TULP4: variants seen among roughly 807,000 people sequenced by gnomAD.
The protein encoded by TULP4 is tubby-related protein 4.
Under a neutral mutation model 129.0 loss-of-function variants are expected in TULP4, and 16 were observed. The observed-to-expected ratio is 0.12, with a 90% confidence interval of 0.08 to 0.19. TULP4 has a LOEUF of 0.19. Ranked by LOEUF, TULP4 falls within the 10% of genes least tolerant of loss-of-function variation. The pLI is 1.00. For missense variants in TULP4, 1,842 were observed against 2,059.1 expected (o/e 0.89, Z 2.04); for synonymous variants, 998 against 854.0 (o/e 1.17, Z -2.94).
intron 2 of TULP4, among the ~76,000 whole-genome samples, chr6:158,422,306 T>G (rs1778363943): frequency 6.6e-6 from 1 of 152,184 alleles, no homozygotes; most frequent in Non-Finnish European, 1.5e-5. Context: ...AAATAGAGAT[T>G]ACAAGGTAAC....
intron 1 of TULP4, among the ~76,000 whole-genome samples, chr6:158,404,433 C>T (rs1445204865): frequency 6.6e-6 from 1 of 152,044 alleles, no homozygotes; most frequent in Non-Finnish European, 1.5e-5. Context: ...AAATAAAACC[C>T]TTAAGAATAA....
intron 1 of TULP4, among the ~76,000 whole-genome samples, chr6:158,350,898 T>A (rs1780502026): frequency 1.3e-5 from 2 of 151,924 alleles, no homozygotes; most frequent in Admixed American, 1.3e-4. Flanking sequence ...GTGGCTGGGA[T>A]TACTGCCACC....
At chr6:158,246,110 G>A (rs1035883418) in intron 1 of TULP4, among the ~76,000 whole-genome samples, 4 of 150,758 alleles carry the variant, frequency 2.7e-5, no homozygotes, top group East Asian at 2.0e-4. Context: ...GAATGGGGAC[G>A]GACTCACAAG....
intron 1 of TULP4, among the ~76,000 whole-genome samples, chr6:158,307,091 A>G (rs953359161): frequency 6.6e-6 from 1 of 152,238 alleles, no homozygotes; most frequent in Non-Finnish European, 1.5e-5. Flanking sequence ...TAAATAAGTT[A>G]TATATTTTTA....
At chr6:158,491,182 C>T (rs1225078093) in intron 9 of TULP4, among the ~76,000 whole-genome samples, 2 of 152,108 alleles carry the variant, frequency 1.3e-5, no homozygotes. Flanking sequence ...TCCTCAGCAG[C>T]GGCTCTGTTG....
At chr6:158,490,686 C>G (rs1780179629) in intron 9 of TULP4, among the ~76,000 whole-genome samples, 1 of 152,182 alleles carries the variant, frequency 6.6e-6, no homozygotes, top group Middle Eastern at 3.2e-3. Flanking sequence ...CATTTGATAC[C>G]CATTCCCTAG....
At chr6:158,345,151 GA>G (rs1780270596) in intron 1 of TULP4, among the ~76,000 whole-genome samples, 1 of 152,238 alleles carries the variant, frequency 6.6e-6, no homozygotes, top group Non-Finnish European at 1.5e-5. Context: ...GTTGGTTCAT[GA>G]GGTTTAAGGA....
At chr6:158,345,167 A>C (rs1206287156) in intron 1 of TULP4, among the ~76,000 whole-genome samples, 1 of 152,234 alleles carries the variant, frequency 6.6e-6, no homozygotes, top group Non-Finnish European at 1.5e-5. Flanking sequence ...TAAGGAAAGA[A>C]GCCATCTTTA....
intron 1 of TULP4, among the ~76,000 whole-genome samples, chr6:158,346,730 C>G (rs1330107733): frequency 6.8e-6 from 1 of 147,952 alleles, no homozygotes; most frequent in African/African-American, 2.5e-5. Flanking sequence ...TAGATTGAAG[C>G]TTTTGCTGAA....
At chr6:158,472,163 G>A (rs583308) in intron 6 of TULP4, among the ~76,000 whole-genome samples, 63,562 of 152,024 alleles carry the variant, frequency 0.42, 14,596 homozygotes, top group African/African-American at 0.62. Context: ...AACACCTCTG[G>A]CATGTATTAC....
rs573339661 is a variant in TULP4 at position 158,422,307 on chromosome 6, A to G, written c.382-7429A>G. ...TTGGGCATAGCTATAAATAGAGATTACAAGGTAACCAAACGTAAATTATAA... is the reference window on the plus strand; with the variant it reads ...TTGGGCATAGCTATAAATAGAGATTGCAAGGTAACCAAACGTAAATTATAA... On this transcript the variant is annotated intron_variant, in intron 2 of 13. Transcript: ENST00000367097. 4.1e-4 allele frequency among the ~76,000 whole-genome samples: 63 copies of G among 152,370 alleles called. 1 individual carries two copies. Among genetic ancestry groups the G allele is most frequent in the African/African-American group, 1.5e-3 (62 of 41,592 alleles).
chr6:158,244,269 A>G (rs1777984143), intron 1 of TULP4, among the ~76,000 whole-genome samples: 1 of 152,198 alleles, frequency 6.6e-6, no homozygotes, highest in African/African-American at 2.4e-5. Context: ...TCTGTTTCAG[A>G]CATGAAATCA....
At chr6:158,383,830 A>C (rs1777379983) in intron 1 of TULP4, among the ~76,000 whole-genome samples, 1 of 152,238 alleles carries the variant, frequency 6.6e-6, no homozygotes, top group African/African-American at 2.4e-5. Flanking sequence ...TTTGCGATTA[A>C]ATGATGACTT....
At position 158,418,100 on chromosome 6, in the gene TULP4, T is replaced by TGG. The variant is rs540988447; in HGVS notation, c.381+4907_381+4908insGG. Among the ~76,000 whole-genome samples the TGG allele has an allele frequency of 2.7e-3, 231 of 84,158 alleles. 2 individuals are homozygous for TGG. The highest frequency in any genetic ancestry group is 7.2e-3 in the African/African-American group (226 of 31,294). 55.2% of individuals were successfully genotyped at this position (84,158 alleles called of 152,430 possible). A position where few individuals can be genotyped will look rare whatever the true frequency, so the allele number is the denominator to read the frequency against. Reference sequence around the variant, plus strand: ...GTTTCTGCCTTTTTGTGTGTGTGTGTTTTTTTTTTTTTTTTTGGGAGCGGG... The same window carrying TGG: ...GTTTCTGCCTTTTTGTGTGTGTGTGTGGTTTTTTTTTTTTTTTTGGGAGCGGG... On this transcript the variant is annotated intron_variant, in intron 2 of 13. Transcript: ENST00000367097.
intron 1 of TULP4, among the ~76,000 whole-genome samples, chr6:158,254,533 G>A (rs1778210824): frequency 6.6e-6 from 1 of 152,150 alleles, no homozygotes; most frequent in African/African-American, 2.4e-5. Flanking sequence ...TCTCCAAGGA[G>A]TTTTTTTGAA....
At chr6:158,435,104 C>T (rs189645796) in intron 3 of TULP4, among the ~76,000 whole-genome samples, 2 of 152,192 alleles carry the variant, frequency 1.3e-5, no homozygotes, top group Non-Finnish European at 2.9e-5. Flanking sequence ...TGCAGTGAGG[C>T]ACATACATAA....
chr6:158,239,406 G>A (rs1436740731), intron 1 of TULP4, among the ~76,000 whole-genome samples: 3 of 63,034 alleles, frequency 4.8e-5, no homozygotes, highest in Non-Finnish European at 7.4e-5. Context: ...CTGGCCGGGC[G>A]GGGGGCTGAC....
intron 1 of TULP4, among the ~76,000 whole-genome samples, chr6:158,408,301 G>T (rs912267124): frequency 4.6e-5 from 7 of 152,290 alleles, no homozygotes; most frequent in Non-Finnish European, 1.0e-4. Flanking sequence ...ATGTGGTGAT[G>T]TTGCTTTTTA....
intron 1 of TULP4, among the ~76,000 whole-genome samples, chr6:158,406,125 A>C (rs1014438730): frequency 6.6e-6 from 1 of 152,138 alleles, no homozygotes; most frequent in African/African-American, 2.4e-5. Flanking sequence ...ATTGACGGCC[A>C]CAGGTGACAG....
Sources: allele counts gnomAD v4.1 joint callset (sites outside exome capture counted in the v4.1 genomes callset), GRCh38; gene constraint gnomAD v4.1.1; transcripts MANE v1.5; gene names NCBI Gene and HGNC (gene_info 2026-07-23, HGNC 2026-07-21).